Variants in PIK3C2G observed in about 807,000 individuals in gnomAD.
The protein encoded by PIK3C2G is phosphatidylinositol 3-kinase C2 domain-containing subunit gamma.
Under a neutral mutation model 181.1 loss-of-function variants are expected in PIK3C2G, and 168 were observed. The ratio of observed to expected loss-of-function variants is 0.93; its 90% CI spans 0.82 to 1.05. PIK3C2G has a LOEUF of 1.05. Among genes scored for constraint, PIK3C2G ranks in the 50% least tolerant of loss-of-function variants. The pLI, the probability that PIK3C2G is intolerant of heterozygous loss-of-function variation, is 0.00. For synonymous variants in PIK3C2G, 573 were observed against 592.2 expected, an observed-to-expected ratio of 0.97 and a Z score of 0.47; for missense variants, 1,869 against 1,732.8, an observed-to-expected ratio of 1.08 and a Z score of -1.40.
the PIK3C2G span, among the ~76,000 whole-genome samples, chr12:18,710,652 G>A: frequency 1.6e-4 from 24 of 152,266 alleles, no homozygotes; most frequent in Admixed American, 5.2e-4. Context: ...TCATTTAAAT[G>A]AGAGGTGATG....
the PIK3C2G span, chr12:18,700,041 T>C: frequency 9.4e-7 from 1 of 1,064,540 alleles, no homozygotes; most frequent in Non-Finnish European, 1.4e-6. Context: ...TTCAAACAAA[T>C]GATTTTCATC....
chr12:18,656,437 G>C, the PIK3C2G span, among the ~76,000 whole-genome samples: 1 of 152,012 alleles, frequency 6.6e-6, no homozygotes, highest in Admixed American at 6.6e-5. Context: ...ATGGTGGCGG[G>C]CGCCTGTAAT....
At chr12:18,284,511 A>C (rs1331401194) in intron 2 of PIK3C2G, among the ~76,000 whole-genome samples, 1 of 152,216 alleles carries the variant, frequency 6.6e-6, no homozygotes, top group Non-Finnish European at 1.5e-5. Context: ...CTCTCGCTCA[A>C]GAAAATAACT....
At chr12:18,627,035 AC>A (rs1208129475) in intron 31 of PIK3C2G, among the ~76,000 whole-genome samples, 1 of 151,174 alleles carries the variant, frequency 6.6e-6, no homozygotes, top group Non-Finnish European at 1.5e-5. Context: ...TTGATGGTGT[AC>A]CAACATTCCC....
chr12:18,537,540 T>C (rs1385867388), intron 24 of PIK3C2G, among the ~76,000 whole-genome samples: 1 of 152,070 alleles, frequency 6.6e-6, no homozygotes, highest in African/African-American at 2.4e-5. Context: ...TTTCCATCCT[T>C]AGACTACAGT....
At chr12:18,589,683 A>G (rs1946972675) in intron 29 of PIK3C2G, among the ~76,000 whole-genome samples, 1 of 152,036 alleles carries the variant, frequency 6.6e-6, no homozygotes, top group Admixed American at 6.6e-5. Flanking sequence ...ACAGATACCA[A>G]TTCAGAGACT....
intron 8 of PIK3C2G, among the ~76,000 whole-genome samples, chr12:18,330,077 C>T (rs1354026510): frequency 6.6e-6 from 1 of 151,862 alleles, no homozygotes; most frequent in Non-Finnish European, 1.5e-5. Context: ...TTTACCCTTC[C>T]TTCAGTTATG....
chr12:18,568,976 T>C (rs1042254287), intron 29 of PIK3C2G, among the ~76,000 whole-genome samples: 8 of 152,116 alleles, frequency 5.3e-5, no homozygotes, highest in Non-Finnish European at 1.2e-4. Flanking sequence ...AGAACACCCA[T>C]GTAACCACGC....
chr12:18,713,524 A>T, the PIK3C2G span, among the ~76,000 whole-genome samples: 1 of 152,280 alleles, frequency 6.6e-6, no homozygotes, highest in African/African-American at 2.4e-5. Context: ...GCTCTCTGGA[A>T]ACAGTGTTGG....
intron 18 of PIK3C2G, among the ~76,000 whole-genome samples, chr12:18,439,627 C>A (rs1592263276): frequency 6.6e-6 from 1 of 152,004 alleles, no homozygotes; most frequent in East Asian, 1.9e-4. Context: ...GTGTATATAA[C>A]AAGTCACTTG....
chr12:18,338,276 CAG>C (rs1352545614), intron 8 of PIK3C2G, 148 bp from the exon 9 acceptor site: 6 of 611,064 alleles, frequency 9.8e-6, no homozygotes, highest in South Asian at 9.0e-5. Context: ...ACAGGATAAC[CAG>C]AGTCTTGAGA....
At chr12:18,363,298 T>G (rs1377218680) in intron 12 of PIK3C2G, among the ~76,000 whole-genome samples, 1 of 152,154 alleles carries the variant, frequency 6.6e-6, no homozygotes, top group Admixed American at 6.5e-5. Context: ...AAGTACAAAT[T>G]TATTTAAACA....
intron 31 of PIK3C2G, among the ~76,000 whole-genome samples, chr12:18,613,430 A>G (rs542183400): frequency 3.4e-4 from 51 of 152,204 alleles, no homozygotes; most frequent in Non-Finnish European, 6.2e-4. Flanking sequence ...GAAAATTAAC[A>G]TGAGAGAGAG....
At chr12:18,629,624 T>G (rs967236547) in intron 31 of PIK3C2G, among the ~76,000 whole-genome samples, 1 of 152,172 alleles carries the variant, frequency 6.6e-6, no homozygotes, top group Non-Finnish European at 1.5e-5. Context: ...TGGCGTGTAA[T>G]TGCCTAATAT....
In PIK3C2G at chr12:18,505,293, C is replaced by G. The variant is rs778842175; in HGVS notation, c.3155C>G (p.Ala1052Gly). 5.7e-6 allele frequency: 9 copies of G among 1,590,676 alleles called. No individual in the cohort carries two copies. The highest frequency in any genetic ancestry group is 4.6e-5 in the South Asian group (4 of 86,770). Reference sequence around the variant, plus strand: ...CATGATTGTTTTTCAATGAATTAGGCCTTGAGGAACTTTTTCTACTCCTGT... The same window carrying G: ...CATGATTGTTTTTCAATGAATTAGGGCTTGAGGAACTTTTTCTACTCCTGT... The part of the protein sequence containing the change: ...HNHLKADYEK[A>G]LRNFFYSCAG... Residue 1052 changes from alanine (A) to glycine (G), a missense_variant and splice_region_variant, in exon 24 of 33, where the codon GCC (alanine) becomes GGC (glycine). Transcript: ENST00000538779.
At chr12:18,423,150 T>A (rs59550941) in intron 17 of PIK3C2G, among the ~76,000 whole-genome samples, 16,572 of 139,780 alleles carry the variant, frequency 0.12, 1,245 homozygotes, top group Admixed American at 0.27. Context: ...AGAGAGAGTG[T>A]GTGTGTGTGT....
Position 18,505,386 on chromosome 12 carries a change from C to A in PIK3C2G, c.3248C>A (p.Thr1083Lys). 6.2e-7 allele frequency: 1 copy of A among 1,613,290 alleles called. No homozygotes were observed. The highest frequency in any genetic ancestry group is 8.5e-7 in the Non-Finnish European group (1 of 1,179,594). The change falls in exon 24 of 33, where the codon ACA (threonine) becomes AAA (lysine). Residue 1083 changes from threonine to lysine, a missense_variant. Transcript: ENST00000538779. Reference protein sequence around the residue: ...CDRHNDNIMLTKSGHMFHIDF... With the variant: ...CDRHNDNIMLKKSGHMFHIDF... ...CGTCACAATGATAATATCATGCTGA[C>A]AAAGTCGGGCCACATGTTTCATATT...
At chr12:18,595,322 A>G (rs181185521) in intron 30 of PIK3C2G, among the ~76,000 whole-genome samples, 1 of 152,218 alleles carries the variant, frequency 6.6e-6, no homozygotes, top group East Asian at 1.9e-4. Context: ...AAATAGGTGT[A>G]TGTTGTTAAA....
intron 5 of PIK3C2G, among the ~76,000 whole-genome samples, chr12:18,294,359 A>G (rs1949845317): frequency 6.6e-6 from 1 of 152,072 alleles, no homozygotes; most frequent in Non-Finnish European, 1.5e-5. Context: ...TACCTGTAAT[A>G]AAGCTTATTA....
Sources: allele counts gnomAD v4.1 joint callset (sites outside exome capture counted in the v4.1 genomes callset), GRCh38; gene constraint gnomAD v4.1.1; transcripts MANE v1.5; gene names NCBI Gene and HGNC (gene_info 2026-07-23, HGNC 2026-07-21).